Variants in PDXDC1 observed in about 807,000 individuals in gnomAD.
PDXDC1 encodes the protein pyridoxal dependent decarboxylase domain containing 1.
Under a neutral mutation model 100.1 loss-of-function variants are expected in PDXDC1, and 42 were observed. The ratio of observed to expected loss-of-function variants is 0.42; its 90% CI spans 0.33 to 0.54. The LOEUF is 0.54. Ranked by LOEUF, PDXDC1 falls within the 20% of genes least tolerant of loss-of-function variation. PDXDC1 has a pLI of 0.10. For missense variants in PDXDC1, 636 were observed against 979.2 expected (o/e 0.65, Z 4.68); for synonymous variants, 260 against 371.7 (o/e 0.70, Z 3.46).
chr16:15,032,766 G>C, intron 17 of PDXDC1, 95 bp from the exon 18 acceptor site: 1 of 771,358 alleles, frequency 1.3e-6, no homozygotes, highest in Non-Finnish European at 2.3e-6. Flanking sequence ...TGGTTCCACT[G>C]CATTGTCTTG....
chr16:15,011,003 A>G (rs1221644732), intron 8 of PDXDC1, among the ~76,000 whole-genome samples: 2 of 152,298 alleles, frequency 1.3e-5, no homozygotes, highest in East Asian at 1.9e-4. Flanking sequence ...GTTCTTCCCA[A>G]ACTAATCTGT....
At chr16:15,128,500 C>A (rs2047877238) in intron 16 of PDXDC1, 3 of 689,436 alleles carry the variant, frequency 4.4e-6, no homozygotes, top group Non-Finnish European at 7.7e-6. Context: ...GCCACACAGG[C>A]AGTCCCGGCT....
chr16:15,038,455 A>AC (rs1466980599), downstream of PDXDC1: 1 of 661,392 alleles, frequency 1.5e-6, no homozygotes, highest in African/African-American at 1.8e-5. Flanking sequence ...AATGGCATCC[A>AC]AAAAGTTACT....
chr16:15,143,756 G>A (rs368524671), downstream of PDXDC1, among the ~76,000 whole-genome samples: 3 of 152,342 alleles, frequency 2.0e-5, no homozygotes, highest in African/African-American at 7.2e-5. Context: ...CCACAACAGA[G>A]GGAATGGCCC....
At chr16:15,074,312 G>A (rs2151785095) in intron 16 of PDXDC1, among the ~76,000 whole-genome samples, 1 of 152,282 alleles carries the variant, frequency 6.6e-6, no homozygotes, top group African/African-American at 2.4e-5. Flanking sequence ...GTTCCATGAA[G>A]TCAAGAAGCA....
chr16:15,085,241 G>A (rs2045871069), intron 16 of PDXDC1, among the ~76,000 whole-genome samples: 1 of 152,064 alleles, frequency 6.6e-6, no homozygotes, highest in Non-Finnish European at 1.5e-5. Context: ...CATATCAATG[G>A]TAAATATAAC....
chr16:15,074,342 CACA>C (rs2045361870), intron 16 of PDXDC1, among the ~76,000 whole-genome samples: 1 of 152,134 alleles, frequency 6.6e-6, no homozygotes, highest in South Asian at 2.1e-4. Flanking sequence ...CTAACACTGG[CACA>C]ACAATGGTGC....
In PDXDC1 at chr16:15,033,319, A is replaced by T. The variant is rs781153562; in HGVS notation, c.1732A>T (p.Met578Leu). ...CATGAAGAGCTGCCTTTATGTCGGCATGGCGAGCGACAACGTCGATGCTGC... is the reference window on the plus strand; with the variant it reads ...CATGAAGAGCTGCCTTTATGTCGGCTTGGCGAGCGACAACGTCGATGCTGC... ...KSMKSCLYVG[M>L]ASDNVDAAEL... The change falls in exon 19 of 23, where the codon ATG becomes TTG. Residue 578 changes from methionine (M) to leucine (L), a missense_variant. Physicochemically the swap from Met to Leu is conservative, Grantham distance 15. This residue lies in a region of PDXDC1 where 452 missense variants were observed against 402.9 expected (regional missense o/e 1.12). Transcript: ENST00000396410. 2.3e-5 allele frequency: 37 copies of T among 1,614,094 alleles called. No individual in the cohort carries two copies. The highest frequency in any genetic ancestry group is 3.1e-5 in the Non-Finnish European group (36 of 1,180,016).
chr16:15,016,544 C>G (rs927284107), intron 9 of PDXDC1, among the ~76,000 whole-genome samples: 5 of 152,294 alleles, frequency 3.3e-5, no homozygotes, highest in African/African-American at 1.2e-4. Context: ...GCAGAAACTC[C>G]AGCCTTCTTT....
chr16:14,994,573 T>G (rs1469958308), intron 1 of PDXDC1, among the ~76,000 whole-genome samples: 1 of 152,418 alleles, frequency 6.6e-6, no homozygotes, highest in Non-Finnish European at 1.5e-5. Flanking sequence ...TCAGGTAGCA[T>G]GATGCCTCCG....
At chr16:15,095,137 C>G (rs2046308736) in intron 16 of PDXDC1, among the ~76,000 whole-genome samples, 1 of 152,004 alleles carries the variant, frequency 6.6e-6, no homozygotes, top group Non-Finnish European at 1.5e-5. Context: ...CACGCCCGGC[C>G]AAACTTAAAT....
intron 16 of PDXDC1, among the ~76,000 whole-genome samples, chr16:15,119,735 GTTGT>G (rs1365802374): frequency 2.8e-4 from 36 of 126,998 alleles, no homozygotes; most frequent in African/African-American, 4.7e-4. Flanking sequence ...CTTTTTGTTT[GTTGT>G]TTGTTTTTGA....
chr16:15,025,360 C>T (rs1393473483), intron 13 of PDXDC1: 2 of 152,462 alleles, frequency 1.3e-5, no homozygotes, highest in Non-Finnish European at 2.9e-5. Context: ...ATTTTGTTGC[C>T]TTTTTGTTCC....
intron 16 of PDXDC1, among the ~76,000 whole-genome samples, chr16:15,087,035 G>T (rs1246489672): frequency 6.6e-6 from 1 of 152,126 alleles, no homozygotes; most frequent in African/African-American, 2.4e-5. Flanking sequence ...GTAATTGTTA[G>T]TGACATGAGA....
chr16:14,999,643 T>C (rs1309989244), intron 3 of PDXDC1, among the ~76,000 whole-genome samples: 4 of 152,376 alleles, frequency 2.6e-5, no homozygotes, highest in Admixed American at 1.3e-4. Context: ...AGTTTTATTC[T>C]AAGAGGTATT....
At chr16:15,038,354 A>AAAAGTTC (rs1567751094), downstream of PDXDC1, 1 of 642,948 alleles carries the variant, frequency 1.6e-6, no homozygotes. Flanking sequence ...TTAGTAAGAA[A>AAAAGTTC]AAAGTTGATT....
rs576579662 is a variant in PDXDC1 at position 15,000,330 on chromosome 16, C to T, written c.162-1446C>T. Among the ~76,000 whole-genome samples, 71 of 152,374 alleles carry T rather than the reference C, an allele frequency of 4.7e-4. No individual in the cohort carries two copies. In the South Asian group the frequency reaches 0.015, roughly 31 times the overall value. On this transcript the variant is annotated intron_variant, in intron 3 of 22. Coordinates refer to ENST00000396410, the MANE Select transcript of PDXDC1 (RefSeq NM_015027.4). The stretch of plus-strand genomic sequence containing the variant: ...GTGCCATACCTTCACTGTCTGAAGC[C>T]TCCCAAATCCATAACGTCCGGCTTG...
chr16:15,052,980 A>G lies in PDXDC1; in HGVS notation c.1399+22924A>G, dbSNP rs2044356764. 3.3e-5 allele frequency among the ~76,000 whole-genome samples: 5 copies of G among 152,320 alleles called. No individual in the cohort carries two copies. The South Asian group carries it at 1.0e-3, about 32-fold the overall frequency. ...AAGAGTGACTAAGGGAGGGCTCTAA[A>G]CAGCTCTGGCCAAAGGAACTTCATG... On this transcript the variant is annotated intron_variant, in intron 16 of 16. Transcript: ENST00000535621.
At chr16:15,104,874 C>T (rs1284112103) in intron 16 of PDXDC1, 52 of 1,524,354 alleles carry the variant, frequency 3.4e-5, no homozygotes, top group South Asian at 1.6e-4. Context: ...ACCTTTCCAT[C>T]CTCCAGGTTT....
Sources: gnomAD v4.1 joint callset for allele counts (sites outside exome capture counted in the v4.1 genomes callset) on GRCh38, gnomAD v4.1.1 for gene constraint, gnomAD v4.1.1 regional missense constraint, MANE v1.5 for transcripts, NCBI Gene and HGNC (gene_info 2026-07-23, HGNC 2026-07-21) for gene names.